PAMR1: variants seen among roughly 807,000 people sequenced by gnomAD.
PAMR1 encodes the protein inactive serine protease PAMR1.
In PAMR1, 88 loss-of-function variants were observed where a neutral mutation model predicts 81.8. The ratio of observed to expected loss-of-function variants is 1.08; its 90% CI spans 0.91 to 1.28. The LOEUF is 1.28. Among genes scored for constraint, PAMR1 ranks in the 50% most tolerant of loss-of-function variants. The pLI is 0.00. For missense variants in PAMR1, 935 were observed against 919.7 expected, an observed-to-expected ratio of 1.02 and a Z score of -0.21; for synonymous variants, 336 against 345.3, an observed-to-expected ratio of 0.97 and a Z score of 0.30.
intron 4 of PAMR1, among the ~76,000 whole-genome samples, chr11:35,472,917 G>C (rs1224413805): frequency 6.6e-6 from 1 of 152,120 alleles, no homozygotes; most frequent in African/African-American, 2.4e-5. Context: ...TTTCAACAAG[G>C]GGATAATGCC....
At chr11:35,513,440 T>C (rs1851108154) in intron 1 of PAMR1, 1 of 152,140 alleles carries the variant, frequency 6.6e-6, no homozygotes, top group Admixed American at 6.5e-5. Flanking sequence ...GCATTAACCA[T>C]CATGCTGGTC....
At chr11:35,484,710 C>T (rs531076992) in intron 3 of PAMR1, among the ~76,000 whole-genome samples, 1 of 152,316 alleles carries the variant, frequency 6.6e-6, no homozygotes, top group Admixed American at 6.5e-5. Context: ...CCCCATAAAT[C>T]CTCTCATCTG....
At chr11:35,467,929 C>T in intron 6 of PAMR1, 72 bp downstream of exon 6, 2 of 901,598 alleles carry the variant, frequency 2.2e-6, no homozygotes, top group Non-Finnish European at 3.5e-6. Flanking sequence ...AGAGTTGGCC[C>T]TGCAAGCTCT....
intron 5 of PAMR1, among the ~76,000 whole-genome samples, chr11:35,470,281 T>G (rs896476193): frequency 6.6e-6 from 1 of 152,190 alleles, no homozygotes; most frequent in African/African-American, 2.4e-5. Context: ...GGTCACCCTG[T>G]GTGAGCTCTA....
intron 3 of PAMR1, among the ~76,000 whole-genome samples, chr11:35,476,035 A>G (rs527745095): frequency 1.3e-5 from 2 of 152,352 alleles, no homozygotes; most frequent in African/African-American, 4.8e-5. Context: ...GACAGTAGTA[A>G]TATTTCTAGT....
In PAMR1 at chr11:35,432,084, T is replaced by G; in HGVS notation, c.*272A>C. On this transcript the variant is annotated 3_prime_UTR_variant, in exon 11 of 11. Coordinates refer to ENST00000619888, the MANE Select transcript of PAMR1 (RefSeq NM_001001991.3). ...GGGGAAGACCACCAGGTCAGTGGAG[T>G]GGAGAGGTTTTGTATATGGTCTTCT... 4.8e-6 allele frequency: 2 copies of G among 416,310 alleles called. No individual in the cohort carries two copies. The highest frequency in any genetic ancestry group is 6.3e-4 in the Middle Eastern group (1 of 1,576). The allele number at this position is 416,310 out of a possible 1,614,324, so 25.8% of individuals were successfully genotyped here.
chr11:35,518,090 A>C (rs1050488138), intron 1 of PAMR1, among the ~76,000 whole-genome samples: 2 of 152,164 alleles, frequency 1.3e-5, no homozygotes, highest in South Asian at 2.1e-4. Flanking sequence ...CTACCAGTGC[A>C]TTGGCCACAG....
intron 3 of PAMR1, among the ~76,000 whole-genome samples, chr11:35,483,102 C>G (rs684748): frequency 0.24 from 36,865 of 152,058 alleles, 6,585 homozygotes; most frequent in African/African-American, 0.48. Flanking sequence ...CAAACGCCCT[C>G]TCCTCTATTA....
intron 6 of PAMR1, among the ~76,000 whole-genome samples, chr11:35,466,987 C>T (rs1856769648): frequency 6.6e-6 from 1 of 152,042 alleles, no homozygotes; most frequent in African/African-American, 2.4e-5. Context: ...CAGGGAACTG[C>T]TCAGGGGCTA....
At position 35,474,740 on chromosome 11, in the gene PAMR1, A is replaced by G. The variant is rs1466593942; in HGVS notation, c.384T>C (p.Cys128=). ...CCTTTGGGGCTCGCAGAACCTGGCC[A>G]CATCCTAAGAAAAGAAGAAAAGATT... is the stretch of plus-strand genomic sequence containing the variant. ...AGWYGGDCMR[C]GQVLRAPKGQ... Residue 128 remains cysteine (C), a synonymous_variant, in exon 4 of 11, where the codon TGT becomes TGC. Transcript: ENST00000619888. 6.2e-7 allele frequency: 1 copy of G among 1,602,440 alleles called. No homozygotes were observed. Among genetic ancestry groups the G allele is most frequent in the East Asian group, 2.2e-5 (1 of 44,676 alleles).
At position 35,475,293 on chromosome 11, in the gene PAMR1, T is replaced by C. The variant is rs926977543; in HGVS notation, c.380-549A>G. 2.0e-4 allele frequency among the ~76,000 whole-genome samples: 30 copies of C among 152,216 alleles called. 1 individual carries two copies. The highest frequency in any genetic ancestry group is 1.5e-5 in the Non-Finnish European group (1 of 68,040). On this transcript the variant is annotated intron_variant, in intron 3 of 10. Transcript: ENST00000619888. ...GCATGACAGTGGAAAGGAGAGATGATTTCCAACCAGTTGGACTGGATTGAT... is the reference window on the plus strand; with the variant it reads ...GCATGACAGTGGAAAGGAGAGATGACTTCCAACCAGTTGGACTGGATTGAT...
intron 3 of PAMR1, among the ~76,000 whole-genome samples, chr11:35,486,251 T>A (rs1850503031): frequency 6.6e-6 from 1 of 152,218 alleles, no homozygotes; most frequent in Admixed American, 6.5e-5. Flanking sequence ...AATGAGGCTC[T>A]CAGAACAAGC....
intron 4 of PAMR1, 38 bp from the exon 5 acceptor site, chr11:35,470,856 C>T: frequency 6.8e-7 from 1 of 1,462,910 alleles, no homozygotes; most frequent in South Asian, 1.1e-5. Context: ...AGCAGATGGG[C>T]CCTGGACAGT....
chr11:35,472,039 CAAAG>C (rs1850198003), intron 4 of PAMR1, among the ~76,000 whole-genome samples: 1 of 152,210 alleles, frequency 6.6e-6, no homozygotes, highest in East Asian at 1.9e-4. Flanking sequence ...GTACTATTAA[CAAAG>C]AAATCCAATA....
At chr11:35,456,100 CAGAG>C (rs1357761314) in intron 6 of PAMR1, among the ~76,000 whole-genome samples, 1 of 152,082 alleles carries the variant, frequency 6.6e-6, no homozygotes, top group Non-Finnish European at 1.5e-5. Flanking sequence ...AGGAGAAAGA[CAGAG>C]AGAGAGCAAG....
chr11:35,514,936 T>C (rs1265244485), intron 1 of PAMR1, among the ~76,000 whole-genome samples: 2 of 152,148 alleles, frequency 1.3e-5, no homozygotes. Context: ...GCCCAGCAGG[T>C]CAAGACTGCA....
At chr11:35,502,403 C>T (rs964663766) in intron 1 of PAMR1, among the ~76,000 whole-genome samples, 13 of 152,116 alleles carry the variant, frequency 8.5e-5, no homozygotes, top group African/African-American at 2.9e-4. Flanking sequence ...TCCTAATGCT[C>T]TCCCCCAACC....
At chr11:35,472,336 TCATTTGTC>T (rs1201869552) in intron 4 of PAMR1, among the ~76,000 whole-genome samples, 4 of 152,202 alleles carry the variant, frequency 2.6e-5, no homozygotes, top group Non-Finnish European at 5.9e-5. Flanking sequence ...GTTCATGCAT[TCATTTGTC>T]CATTTGTTCA....
At chr11:35,507,667 C>T (rs1221362396) in intron 1 of PAMR1, among the ~76,000 whole-genome samples, 1 of 151,880 alleles carries the variant, frequency 6.6e-6, no homozygotes, top group African/African-American at 2.4e-5. Flanking sequence ...TCCCTGTTTG[C>T]TGTTGTTTTT....
Sources: allele counts gnomAD v4.1 joint callset (sites outside exome capture counted in the v4.1 genomes callset), GRCh38; gene constraint gnomAD v4.1.1; transcripts MANE v1.5; gene names NCBI Gene and HGNC (gene_info 2026-07-23, HGNC 2026-07-21).